Variants in PYGO1 observed in about 807,000 individuals in gnomAD.
PYGO1 encodes pygopus homolog 1.
In PYGO1, 6 loss-of-function variants were observed where a neutral mutation model predicts 29.5. The ratio of observed to expected loss-of-function variants is 0.20; its 90% confidence interval spans 0.11 to 0.40. PYGO1 has a LOEUF of 0.40. Among genes scored for constraint, PYGO1 ranks in the 10% least tolerant of loss-of-function variants. The probability of loss-of-function intolerance (pLI) is 1.00; values close to 1 mark genes in which losing one functional copy is unlikely to be tolerated. For synonymous variants in PYGO1, 186 were observed against 180.5 expected (o/e 1.03, Z -0.24); for missense variants, 515 against 514.9 (o/e 1.00, Z 0.00).
rs984865334 is a variant in PYGO1, at chr15:55,541,295, A to C, written c.*4728T>G. The C allele has an allele frequency of 5.9e-5, 9 of 152,188 alleles. No individual in the cohort carries two copies. Among genetic ancestry groups the C allele is most frequent in the African/African-American group, 2.2e-4 (9 of 41,440 alleles). The allele number at this position is 152,188 out of a possible 1,614,324, so 9.4% of individuals were successfully genotyped here. A position where few individuals can be genotyped will look rare whatever the true frequency, so the allele number is the denominator to read the frequency against. On this transcript the variant is annotated 3_prime_UTR_variant, in exon 3 of 3. Transcript: ENST00000563719. The stretch of plus-strand genomic sequence containing the variant: ...CTGTACCATAAGTTGGAAGATGCAG[A>C]TGTGACTTTTATAATGCTCTACTGG...
At chr15:55,575,408 C>T (rs751190387) in intron 1 of PYGO1, among the ~76,000 whole-genome samples, 4 of 152,162 alleles carry the variant, frequency 2.6e-5, no homozygotes, top group Non-Finnish European at 4.4e-5. Flanking sequence ...ATGACAAATA[C>T]TGTAGTCAGT....
At position 55,544,989 on chromosome 15, in the gene PYGO1, T is replaced by C. The variant is rs2058843345; in HGVS notation, c.*1034A>G. On this transcript the variant is annotated 3_prime_UTR_variant, in exon 3 of 3. Coordinates refer to ENST00000563719, the MANE Select transcript of PYGO1 (RefSeq NM_001367806.1). The stretch of plus-strand genomic sequence containing the variant: ...TTCAAATTGTTGTTTGCAAGTTAGA[T>C]TTCACTTTGGCTCTTAATTGATCTT... 2 of 152,194 alleles carry C rather than the reference T, an allele frequency of 1.3e-5. No individual in the cohort carries two copies. Among genetic ancestry groups the C allele is most frequent in the South Asian group, 2.1e-4 (1 of 4,836 alleles). 9.4% of individuals were successfully genotyped at this position (152,194 alleles called of 1,614,324 possible).
At chr15:55,559,925 A>G (rs2058925620) in intron 1 of PYGO1, among the ~76,000 whole-genome samples, 1 of 152,212 alleles carries the variant, frequency 6.6e-6, no homozygotes, top group Admixed American at 6.5e-5. Flanking sequence ...CAGAACTAAG[A>G]CAAAAAACAC....
chr15:55,553,377 C>CAAA (rs1204829016), intron 1 of PYGO1, among the ~76,000 whole-genome samples: 1 of 151,538 alleles, frequency 6.6e-6, no homozygotes, highest in Non-Finnish European at 1.5e-5. Context: ...ACTGCTCTAT[C>CAAA]AAAAAGCAGC....
chr15:55,581,358 T>C (rs1235396641), intron 1 of PYGO1, among the ~76,000 whole-genome samples: 1 of 152,032 alleles, frequency 6.6e-6, no homozygotes. Flanking sequence ...GCATAAGAAA[T>C]AGGGAAAGCA....
intron 1 of PYGO1, among the ~76,000 whole-genome samples, chr15:55,574,378 T>C (rs1346439635): frequency 6.6e-6 from 1 of 152,230 alleles, no homozygotes; most frequent in Non-Finnish European, 1.5e-5. Flanking sequence ...TCCTCTCTAC[T>C]GCAAATGGTG....
At position 55,588,005 on chromosome 15, in the gene PYGO1, C is replaced by G; in HGVS notation, c.-122G>C. On this transcript the variant is annotated 5_prime_UTR_variant, in exon 1 of 3. Coordinates refer to ENST00000563719, the MANE Select transcript of PYGO1 (RefSeq NM_001367806.1). Reference sequence around the variant, plus strand: ...TGCGAGGCAAGCCTCGGAGCCGAGGCACGGCCGAGGGCGGTGGGGACGCGG... The same window carrying G: ...TGCGAGGCAAGCCTCGGAGCCGAGGGACGGCCGAGGGCGGTGGGGACGCGG... The G allele has an allele frequency of 7.4e-7, 1 of 1,360,026 alleles. No homozygotes were observed. The highest frequency in any genetic ancestry group is 9.5e-7 in the Non-Finnish European group (1 of 1,049,488). The allele number at this position is 1,360,026 out of a possible 1,614,324, so 84.2% of individuals were successfully genotyped here.
chr15:55,559,989 G>A lies in PYGO1; in HGVS notation c.50-10994C>T, dbSNP rs190926688. ...CCTTCAATAAAATTTAACACCCTTC[G>A]CGTTGAAAACTCAATAAACTAGGTA... On this transcript the variant is annotated intron_variant, in intron 1 of 2. Coordinates refer to ENST00000563719, the MANE Select transcript of PYGO1 (RefSeq NM_001367806.1). Among the ~76,000 whole-genome samples, 337 of 152,072 alleles carry A rather than the reference G, an allele frequency of 2.2e-3. 1 individual carries two copies. The highest frequency in any genetic ancestry group is 7.9e-3 in the African/African-American group (327 of 41,478).
upstream of PYGO1, chr15:55,588,686 C>G (rs931950688): frequency 6.9e-6 from 8 of 1,153,032 alleles, no homozygotes; most frequent in African/African-American, 9.4e-5. Context: ...ACGCCCGACC[C>G]CGCGGCCGAC....
intron 2 of PYGO1, among the ~76,000 whole-genome samples, chr15:55,547,793 AAC>A (rs933473644): frequency 3.9e-5 from 6 of 152,204 alleles, no homozygotes; most frequent in African/African-American, 1.4e-4. Context: ...TAAAGAATAA[AAC>A]AGTGAGAGCC....
intron 1 of PYGO1, among the ~76,000 whole-genome samples, chr15:55,559,710 A>C (rs1348797118): frequency 6.6e-6 from 1 of 152,186 alleles, no homozygotes; most frequent in Admixed American, 6.5e-5. Context: ...CATCCTGATA[A>C]CAAAACCTGG....
At position 55,573,221 on chromosome 15, in the gene PYGO1, G is replaced by A. The variant is rs149448223; in HGVS notation, c.49+14614C>T. Among the ~76,000 whole-genome samples, 697 of 152,122 alleles carry A rather than the reference G, an allele frequency of 4.6e-3. 4 individuals carry two copies. The highest frequency in any genetic ancestry group is 0.016 in the African/African-American group (651 of 41,494). On this transcript the variant is annotated intron_variant, in intron 1 of 2. Transcript: ENST00000563719. ...CTTAGGAGGCTGGGGCAGGAGAATC[G>A]CTTAAGCCTGGGAGGCAGAGGTTGC...
chr15:55,545,455 T>A lies in PYGO1; in HGVS notation c.*568A>T, dbSNP rs917009312. 1 of 152,352 alleles carries A rather than the reference T, an allele frequency of 6.6e-6. No homozygotes were observed. Among genetic ancestry groups the A allele is most frequent in the Non-Finnish European group, 1.5e-5 (1 of 68,148 alleles). The allele number at this position is 152,352 out of a possible 1,614,324, so 9.4% of individuals were successfully genotyped here. A position where few individuals can be genotyped will look rare whatever the true frequency, so the allele number is the denominator to read the frequency against. On this transcript the variant is annotated 3_prime_UTR_variant, in exon 3 of 3. Coordinates refer to ENST00000563719, the MANE Select transcript of PYGO1 (RefSeq NM_001367806.1). ...TATGCTAAGATCTGTCTCGTATCTGTACAAACAGATATCCTGAAAACTCAC... is the reference window on the plus strand; with the variant it reads ...TATGCTAAGATCTGTCTCGTATCTGAACAAACAGATATCCTGAAAACTCAC...
chr15:55,546,374 C>T lies in PYGO1; in HGVS notation c.909G>A (p.Thr303=), dbSNP rs929143274. The T allele has an allele frequency of 3.7e-6, 6 of 1,614,190 alleles. No individual in the cohort carries two copies. The highest frequency in any genetic ancestry group is 1.3e-5 in the African/African-American group (1 of 75,042). Residue 303 remains threonine (T), a synonymous_variant, in exon 3 of 3, where the codon ACG becomes ACA. Coordinates refer to ENST00000563719, the MANE Select transcript of PYGO1 (RefSeq NM_001367806.1). ...CTCTTGGTTGTCGTGGCTTATTCTG[C>T]GTCCCATTTGCAGGGTTATTGTTTG... is the stretch of plus-strand genomic sequence containing the variant. ...EATNNNPANG[T]QNKPRQPRGA...
intron 1 of PYGO1, among the ~76,000 whole-genome samples, chr15:55,574,417 A>C (rs2058992797): frequency 6.6e-6 from 1 of 152,178 alleles, no homozygotes; most frequent in Non-Finnish European, 1.5e-5. Flanking sequence ...TGCTTGTGTA[A>C]GTTTTGATAA....
chr15:55,563,957 G>A (rs1417440678), intron 1 of PYGO1, among the ~76,000 whole-genome samples: 2 of 152,156 alleles, frequency 1.3e-5, no homozygotes, highest in African/African-American at 4.8e-5. Context: ...CTTTGCAGGT[G>A]GGAATGTAAA....
At position 55,587,878 on chromosome 15, in the gene PYGO1, T is replaced by C; in HGVS notation, c.6A>G (p.Ser2=). The C allele has an allele frequency of 6.7e-7, 1 of 1,488,148 alleles. No homozygotes were observed. The allele number at this position is 1,488,148 out of a possible 1,614,324, so 92.2% of individuals were successfully genotyped here. Reference sequence around the variant, plus strand: ...AAATGGGATCCTTCTCCTGTTCTGCTGACATTACAGACCGCAAAGCATGAC... The same window carrying C: ...AAATGGGATCCTTCTCCTGTTCTGCCGACATTACAGACCGCAAAGCATGAC... M[S]AEQEKDPISL... is the part of the protein sequence containing the mutation. The change falls in exon 1 of 3, where the codon TCA becomes TCG. Residue 2 remains serine, a synonymous_variant. Transcript: ENST00000563719.
Position 55,577,796 on chromosome 15 carries a change from C to T in PYGO1, c.49+10039G>A, listed in dbSNP as rs186900618. 7.5e-3 allele frequency among the ~76,000 whole-genome samples: 1,003 copies of T among 132,938 alleles called. 14 individuals are homozygous for T. Among genetic ancestry groups the T allele is most frequent in the African/African-American group, 0.027 (945 of 35,540 alleles). The allele number at this position is 132,938 out of a possible 152,430, so 87.2% of individuals were successfully genotyped here. A position where few individuals can be genotyped will look rare whatever the true frequency, so the allele number is the denominator to read the frequency against. ...TTTTTTTTTTTTTGAGACAGAGTCT[C>T]GCTCTATCACCCAGGCAGGAGTGCA... is the stretch of plus-strand genomic sequence containing the variant. On this transcript the variant is annotated intron_variant, in intron 1 of 2. Coordinates refer to ENST00000563719, the MANE Select transcript of PYGO1 (RefSeq NM_001367806.1).
At chr15:55,552,252 G>A (rs1363026374) in intron 1 of PYGO1, among the ~76,000 whole-genome samples, 2 of 151,470 alleles carry the variant, frequency 1.3e-5, no homozygotes, top group African/African-American at 2.4e-5. Flanking sequence ...CTACTTGGGA[G>A]GCTAAGGCAG....
Sources: allele counts gnomAD v4.1 joint callset (sites outside exome capture counted in the v4.1 genomes callset), GRCh38; gene constraint gnomAD v4.1.1; transcripts MANE v1.5; gene names NCBI Gene and HGNC (gene_info 2026-07-23, HGNC 2026-07-21).